The following ADAM33 variants were observed in gnomAD, a reference collection of about 807,000 sequenced individuals.
ADAM33 encodes the protein ADAM metallopeptidase domain 33, also known as disintegrin and metalloproteinase domain-containing protein 33.
A neutral mutation model predicts 106.2 loss-of-function variants in ADAM33; 103 were observed. The observed-to-expected ratio is 0.97, with a 90% CI of 0.83 to 1.14. The LOEUF is 1.14. ADAM33 is among the 50% of genes most tolerant of loss of function. The pLI is 0.00. For synonymous variants in ADAM33, 483 were observed against 453.0 expected (o/e 1.07, Z -0.84); for missense variants, 1,120 against 1,096.6 (o/e 1.02, Z -0.30).
intron 16 of ADAM33, 34 bp from the exon 17 acceptor site, chr20:3,671,530 C>T (rs760825396): frequency 1.3e-5 from 21 of 1,610,054 alleles, no homozygotes; most frequent in Admixed American, 1.7e-5. Flanking sequence ...GAGGGGGACA[C>T]TGGCCTGCGG....
chr20:3,674,412 A>C, intron 6 of ADAM33, 92 bp downstream of exon 6: 5 of 1,600,384 alleles, frequency 3.1e-6, no homozygotes, highest in Non-Finnish European at 3.4e-6. Flanking sequence ...CAATAAAAAT[A>C]CTGGGACTCG....
In ADAM33 at chr20:3,679,509, C is replaced by T. The variant is rs754398554; in HGVS notation, c.160G>A (p.Val54Ile). ...WVLDGQPWRT[V>I]SLEEPVSKPD... ...GCACTGACCGGCTCCTCCAGGCTGACGGTGCGCCAGGGTTGTCCATCCAGG... is the reference window on the plus strand; with the variant it reads ...GCACTGACCGGCTCCTCCAGGCTGATGGTGCGCCAGGGTTGTCCATCCAGG... Residue 54 changes from valine to isoleucine, a missense_variant, in exon 2 of 22, where the codon GTC (valine) becomes ATC (isoleucine). Coordinates refer to ENST00000356518, the MANE Select transcript of ADAM33 (RefSeq NM_025220.5). The T allele has an allele frequency of 2.7e-5, 44 of 1,609,106 alleles. No individual in the cohort carries two copies. Among genetic ancestry groups the T allele is most frequent in the East Asian group, 2.2e-4 (10 of 44,734 alleles).
Position 3,679,513 on chromosome 20 carries a change from G to A in ADAM33, c.156C>T (p.Arg52=). The change falls in exon 2 of 22, where the codon CGC becomes CGT. Residue 52 remains arginine (R), a synonymous_variant. Transcript: ENST00000356518. ...TGACCGGCTCCTCCAGGCTGACGGT[G>A]CGCCAGGGTTGTCCATCCAGGACCC... is the stretch of plus-strand genomic sequence containing the variant. ...PHWVLDGQPW[R]TVSLEEPVSK... 1 of 1,609,944 alleles carries A rather than the reference G, an allele frequency of 6.2e-7. No individual in the cohort carries two copies.
rs770495060 is a variant in ADAM33 at position 3,671,500 on chromosome 20, C to T, written c.1906-4G>A. On this transcript the variant is annotated splice_polypyrimidine_tract_variant and splice_region_variant and intron_variant, in intron 16 of 21. Transcript: ENST00000356518. ...TGCAGCGCCTGCTCTGGCACACCTA[C>T]GGGCAGTGCACCAGGCAGTGAGGGG... 196 of 1,610,684 alleles carry T rather than the reference C, an allele frequency of 1.2e-4. No homozygotes were observed. Among genetic ancestry groups the T allele is most frequent in the Admixed American group, 3.3e-4 (20 of 59,976 alleles).
intron 2 of ADAM33, among the ~76,000 whole-genome samples, chr20:3,677,620 G>T (rs73893071): frequency 0.033 from 5,004 of 152,268 alleles, 261 homozygotes; most frequent in African/African-American, 0.11. Flanking sequence ...ATTCAAATTT[G>T]ACTCCTCCAC....
At chr20:3,678,886 G>A (rs2146457779) in intron 2 of ADAM33, among the ~76,000 whole-genome samples, 1 of 152,314 alleles carries the variant, frequency 6.6e-6, no homozygotes, top group Middle Eastern at 3.4e-3. Flanking sequence ...TGGTTATTCT[G>A]GAAGCGTGTG....
chr20:3,673,209 G>T lies in ADAM33; in HGVS notation c.1133+145C>A, dbSNP rs545043869. ...CTTTGCCTGAGCTTCTTCCCTTTAA[G>T]CCTCATAAACCACCCTGAAGCGGAC... On this transcript the variant is annotated intron_variant, in intron 11 of 21. Coordinates refer to ENST00000356518, the MANE Select transcript of ADAM33 (RefSeq NM_025220.5). 1.4e-5 allele frequency: 22 copies of T among 1,531,786 alleles called. No individual in the cohort carries two copies. In the South Asian group the frequency reaches 2.0e-4, roughly 14 times the overall value. 94.9% of individuals were successfully genotyped at this position (1,531,786 alleles called of 1,614,324 possible). A position where few individuals can be genotyped will look rare whatever the true frequency, so the allele number is the denominator to read the frequency against.
rs562826418 is a variant in ADAM33, at chr20:3,671,939, C to T, written c.1644G>A (p.Ala548=). The change falls in exon 15 of 22, where the codon GCG becomes GCA. Residue 548 remains alanine (A), a synonymous_variant. Coordinates refer to ENST00000356518, the MANE Select transcript of ADAM33 (RefSeq NM_025220.5). ...PEACFQVVNS[A]GDAHGNCGQD... ...GGCCGCAGTTTCCATGAGCATCTCC[C>T]GCAGAGTTCACCACCTGGAAACAGG... 2.6e-5 allele frequency: 40 copies of T among 1,556,454 alleles called. No individual in the cohort carries two copies. The highest frequency in any genetic ancestry group is 2.3e-4 in the South Asian group (19 of 84,416).
chr20:3,676,037 C>T (rs963331449), intron 3 of ADAM33, among the ~76,000 whole-genome samples: 5 of 152,152 alleles, frequency 3.3e-5, no homozygotes, highest in Non-Finnish European at 7.4e-5. Context: ...CCTGTCCATC[C>T]GACTCCACGA....
At chr20:3,681,861 ACCG>A (rs1429051773) in intron 1 of ADAM33, 44 bp downstream of exon 1, 1 of 1,578,852 alleles carries the variant, frequency 6.3e-7, no homozygotes, top group South Asian at 1.1e-5. Flanking sequence ...CGCCACCACC[ACCG>A]CGCCTAGCCT....
chr20:3,679,543 C>T lies in ADAM33; in HGVS notation c.126G>A (p.Pro42=), dbSNP rs377493063. The T allele has an allele frequency of 4.2e-5, 67 of 1,610,350 alleles. No individual in the cohort carries two copies. Among genetic ancestry groups the T allele is most frequent in the East Asian group, 1.6e-4 (7 of 44,742 alleles). Residue 42 remains proline (P), a synonymous_variant, in exon 2 of 22, where the codon CCG becomes CCA. Transcript: ENST00000356518. ...QGHIPGQPVT[P]HWVLDGQPWR... is the part of the protein sequence containing the mutation. Reference sequence around the variant, plus strand: ...AGGGTTGTCCATCCAGGACCCAGTGCGGGGTGACTGGCTGCCCAGGGATAT... The same window carrying T: ...AGGGTTGTCCATCCAGGACCCAGTGTGGGGTGACTGGCTGCCCAGGGATAT...
intron 1 of ADAM33, among the ~76,000 whole-genome samples, chr20:3,681,368 C>T (rs764509394): frequency 1.3e-5 from 2 of 152,202 alleles, no homozygotes; most frequent in Admixed American, 6.5e-5. Context: ...AAACAACATA[C>T]ACACTGCCCT....
Position 3,672,668 on chromosome 20 carries a change from C to A in ADAM33, c.1312-42G>T, listed in dbSNP as rs773253069. 7.5e-6 allele frequency: 12 copies of A among 1,608,444 alleles called. No individual in the cohort carries two copies. In the South Asian group the frequency reaches 1.2e-4, roughly 16 times the overall value. On this transcript the variant is annotated intron_variant, in intron 12 of 21. Transcript: ENST00000356518. The stretch of plus-strand genomic sequence containing the variant: ...AAGAAGGGCCCAGGTGAGGGCGCAG[C>A]GCCCCAGACCTGAGCGGAGAGGGCA...
intron 13 of ADAM33, 51 bp downstream of exon 13, chr20:3,672,486 C>T (rs556123031): frequency 2.3e-5 from 36 of 1,596,818 alleles, no homozygotes; most frequent in Non-Finnish European, 3.0e-5. Flanking sequence ...GGCCAACAGG[C>T]CGGCTCCCAA....
intron 8 of ADAM33, 25 bp from the exon 9 acceptor site, chr20:3,673,936 C>G: frequency 6.4e-7 from 1 of 1,570,160 alleles, no homozygotes; most frequent in Non-Finnish European, 8.6e-7. Flanking sequence ...GGGCTGAAGC[C>G]GGGACAGGGC....
At position 3,672,809 on chromosome 20, in the gene ADAM33, G is replaced by A; in HGVS notation, c.1223C>T (p.Ala408Val). The change falls in exon 12 of 22, where the codon GCC (alanine) becomes GTC (valine). Residue 408 changes from alanine (A) to valine (V), a missense_variant. By Grantham distance (64) the Ala-to-Val change is moderately conservative (BLOSUM62 0). Transcript: ENST00000356518. The stretch of plus-strand genomic sequence containing the variant: ...CGGCACCGGGAGTCCGGGGTCCGGG[G>A]CATTGGAGAGGCAAGCGCCGCCCCC... ...RKGGGACLSN[A>V]PDPGLPVPPA... The A allele has an allele frequency of 6.3e-7, 1 of 1,577,888 alleles. No individual in the cohort carries two copies. Among genetic ancestry groups the A allele is most frequent in the South Asian group, 1.1e-5 (1 of 88,178 alleles).
intron 19 of ADAM33, chr20:3,670,760 G>C: frequency 2.0e-6 from 1 of 508,428 alleles, no homozygotes; most frequent in Non-Finnish European, 3.5e-6. Context: ...TGGACAAGAG[G>C]AGCTGTACTG....
In ADAM33 at chr20:3,679,029, G is replaced by A. The variant is rs763960602; in HGVS notation, c.177+463C>T. 2.0e-5 allele frequency among the ~76,000 whole-genome samples: 3 copies of A among 152,116 alleles called. No homozygotes were observed. In the East Asian group the frequency reaches 5.8e-4, roughly 29 times the overall value. On this transcript the variant is annotated intron_variant, in intron 2 of 21. Transcript: ENST00000356518. The stretch of plus-strand genomic sequence containing the variant: ...CCAGAAGTGGATTCCACAGGAGCCA[G>A]TGAGGCTGAAGGTTCAGGCCTTCGT...
rs999151332 is a variant in ADAM33 at position 3,675,030 on chromosome 20, G to T, written c.330C>A (p.His110Gln). Residue 110 changes from histidine to glutamine, a missense_variant, in exon 4 of 22, where the codon CAC (histidine) becomes CAA (glutamine). Coordinates refer to ENST00000356518, the MANE Select transcript of ADAM33 (RefSeq NM_025220.5). This position sits in a 1 kb window ranked among gnomAD's most constrained non-coding sequence, Gnocchi z 4.1. ...DGQPVVLAPNHTDHCHYQGRV... is the reference protein window; with the variant it reads ...DGQPVVLAPNQTDHCHYQGRV... ...AGAGCCCATGGAAGCATCTCACCGTGTGGTTGGGGGCCAGCACCACTGGCT... is the reference window on the plus strand; with the variant it reads ...AGAGCCCATGGAAGCATCTCACCGTTTGGTTGGGGGCCAGCACCACTGGCT... The T allele has an allele frequency of 6.2e-7, 1 of 1,613,438 alleles. No homozygotes were observed. The highest frequency in any genetic ancestry group is 8.5e-7 in the Non-Finnish European group (1 of 1,179,892).
Sources: allele counts gnomAD v4.1 joint callset (sites outside exome capture counted in the v4.1 genomes callset), GRCh38; gene constraint gnomAD v4.1.1; non-coding constraint Gnocchi (gnomAD v3.1); transcripts MANE v1.5; gene names NCBI Gene and HGNC (gene_info 2026-07-23, HGNC 2026-07-21).